GCG: variants seen among roughly 807,000 people sequenced by gnomAD.
GCG encodes the protein glucagon, also known as pro-glucagon.
GCG carries 11 observed loss-of-function variants against 22.8 expected under a neutral mutation model. The ratio of observed to expected loss-of-function variants is 0.48; its 90% CI spans 0.30 to 0.80. GCG has a LOEUF of 0.80. Among genes scored for constraint, GCG ranks in the 30% least tolerant of loss-of-function variants. The pLI is 0.06. For missense variants in GCG, 222 were observed against 222.0 expected, an observed-to-expected ratio of 1.00 and a Z score of 0.00; for synonymous variants, 89 against 72.4, an observed-to-expected ratio of 1.23 and a Z score of -1.16.
intron 1 of GCG, among the ~76,000 whole-genome samples, chr2:162,151,945 T>C (rs1237325829): frequency 6.6e-6 from 1 of 152,212 alleles, no homozygotes; most frequent in African/African-American, 2.4e-5. Context: ...TATTTTTGCA[T>C]ATAATTATTT....
chr2:162,145,777 A>C, intron 3 of GCG, 100 bp from the exon 4 acceptor site: 1 of 868,018 alleles, frequency 1.2e-6, no homozygotes. Context: ...TCTATGTAGA[A>C]GGGGCTTAGG....
chr2:162,146,069 T>C (rs977645378), intron 3 of GCG, among the ~76,000 whole-genome samples: 3 of 152,198 alleles, frequency 2.0e-5, no homozygotes, highest in Admixed American at 6.5e-5. Flanking sequence ...AGTTAGTTAA[T>C]TGATTTGAGG....
Position 162,145,649 on chromosome 2 carries a change from A to G in GCG, c.283T>C (p.Phe95Leu), listed in dbSNP as rs756602276. The G allele has an allele frequency of 2.5e-6, 4 of 1,611,084 alleles. No homozygotes were observed. The highest frequency in any genetic ancestry group is 1.3e-5 in the African/African-American group (1 of 74,906). Reference protein sequence around the residue: ...RNNIAKRHDEFERHAEGTFTS... With the variant: ...RNNIAKRHDELERHAEGTFTS... ...AAGGTCCCTTCAGCATGTCTCTCAA[A>G]TTCATCGTGACGTTTGGCAATGTTA... The change falls in exon 4 of 6, where the codon TTT becomes CTT. Residue 95 changes from phenylalanine (F) to leucine (L), a missense_variant. Physicochemically the swap from Phe to Leu is conservative, Grantham distance 22. Coordinates refer to ENST00000418842, the MANE Select transcript of GCG (RefSeq NM_002054.5).
intron 3 of GCG, among the ~76,000 whole-genome samples, chr2:162,146,328 T>C (rs1221732600): frequency 6.6e-6 from 1 of 152,136 alleles, no homozygotes; most frequent in Non-Finnish European, 1.5e-5. Context: ...TACATCCATT[T>C]ACCAAGTTGT....
At chr2:162,147,264 C>A (rs771481972) in intron 3 of GCG, 89 bp downstream of exon 3, 7 of 950,950 alleles carry the variant, frequency 7.4e-6, no homozygotes, top group Non-Finnish European at 9.9e-6. Flanking sequence ...CACTATTTGA[C>A]GAGCATAAGA....
rs953909379 is a variant in GCG at position 162,144,377 on chromosome 2, C to G, written c.393-207G>C. On this transcript the variant is annotated intron_variant, in intron 4 of 5. Transcript: ENST00000418842. Reference sequence around the variant, plus strand: ...AAAGTAGCAGAGCTGGGATCTAATACCAAGCCTGCATAATTTCATGCCCTT... The same window carrying G: ...AAAGTAGCAGAGCTGGGATCTAATAGCAAGCCTGCATAATTTCATGCCCTT... 1.3e-5 allele frequency: 7 copies of G among 540,592 alleles called. No individual in the cohort carries two copies. The East Asian group carries it at 2.1e-4, about 16-fold the overall frequency. The allele number at this position is 540,592 out of a possible 1,614,324, so 33.5% of individuals were successfully genotyped here. A position where few individuals can be genotyped will look rare whatever the true frequency, so the allele number is the denominator to read the frequency against.
chr2:162,143,541 T>G (rs1414274239), intron 5 of GCG, among the ~76,000 whole-genome samples, 171 bp from the exon 6 acceptor site: 1 of 152,178 alleles, frequency 6.6e-6, no homozygotes, highest in Non-Finnish European at 1.5e-5. Context: ...TAAAGATTAT[T>G]TATCCTAAAG....
At position 162,143,467 on chromosome 2, in the gene GCG, G is replaced by A. The variant is rs1039368564; in HGVS notation, c.537-97C>T. ...ATTTCAATGATTTATTTTGATAAAA[G>A]TTGTTTATTAATCCCTTTGTCCATA... On this transcript the variant is annotated intron_variant, in intron 5 of 5. Coordinates refer to ENST00000418842, the MANE Select transcript of GCG (RefSeq NM_002054.5). 2.2e-5 allele frequency: 12 copies of A among 539,550 alleles called. No individual in the cohort carries two copies. The South Asian group carries it at 4.4e-4, about 20-fold the overall frequency. The allele number at this position is 539,550 out of a possible 1,614,324, so 33.4% of individuals were successfully genotyped here. A position where few individuals can be genotyped will look rare whatever the true frequency, so the allele number is the denominator to read the frequency against.
In GCG at chr2:162,145,632, T is replaced by C. The variant is rs1482559244; in HGVS notation, c.300A>G (p.Glu100=). The change falls in exon 4 of 6, where the codon GAA becomes GAG. Residue 100 remains glutamate (E), a synonymous_variant. Coordinates refer to ENST00000418842, the MANE Select transcript of GCG (RefSeq NM_002054.5). The part of the protein sequence containing the change: ...KRHDEFERHA[E]GTFTSDVSSY... Reference sequence around the variant, plus strand: ...AACTTACATCACTGGTAAAGGTCCCTTCAGCATGTCTCTCAAATTCATCGT... The same window carrying C: ...AACTTACATCACTGGTAAAGGTCCCCTCAGCATGTCTCTCAAATTCATCGT... The C allele has an allele frequency of 1.2e-6, 2 of 1,610,808 alleles. No homozygotes were observed. The highest frequency in any genetic ancestry group is 2.2e-5 in the South Asian group (2 of 90,424).
chr2:162,144,150 A>G lies in GCG; in HGVS notation c.413T>C (p.Ile138Thr). 6.2e-7 allele frequency: 1 copy of G among 1,611,680 alleles called. No homozygotes were observed. Among genetic ancestry groups the G allele is most frequent in the African/African-American group, 1.3e-5 (1 of 75,010 alleles). ...GRRDFPEEVA[I>T]VEELGRRHAD... ...ATGTCTGCGGCCAAGTTCTTCAACA[A>G]TGGCGACCTCTTCTGGGAAACTAAG... Residue 138 changes from isoleucine (I) to threonine (T), a missense_variant, in exon 5 of 6, where the codon ATT (isoleucine) becomes ACT (threonine). Ile to Thr is a moderately conservative substitution (Grantham distance 89). Transcript: ENST00000418842.
rs1306758642 is a variant in GCG, at chr2:162,147,353, C to T, written c.254G>A (p.Arg85Lys). Residue 85 changes from arginine to lysine, a missense_variant and splice_region_variant, in exon 3 of 6, where the codon AGG becomes AAG. Physicochemically the swap from Arg to Lys is conservative, Grantham distance 26. Coordinates refer to ENST00000418842, the MANE Select transcript of GCG (RefSeq NM_002054.5). Reference sequence around the variant, plus strand: ...TTTTGAGCCAGGCTTAGACTCTTACCTGTTCCTCTTGGTATTCATCAACCA... The same window carrying T: ...TTTTGAGCCAGGCTTAGACTCTTACTTGTTCCTCTTGGTATTCATCAACCA... ...VQWLMNTKRNRNNIAKRHDEF... is the reference protein window; with the variant it reads ...VQWLMNTKRNKNNIAKRHDEF... The T allele has an allele frequency of 1.2e-6, 2 of 1,611,418 alleles. No individual in the cohort carries two copies. Among genetic ancestry groups the T allele is most frequent in the Middle Eastern group, 1.7e-4 (1 of 6,048 alleles).
intron 1 of GCG, among the ~76,000 whole-genome samples, chr2:162,150,761 GA>G (rs896205616): frequency 2.6e-5 from 4 of 150,978 alleles, no homozygotes; most frequent in Admixed American, 6.6e-5. Context: ...TCACAAGACT[GA>G]AAAAAAAATT....
chr2:162,146,546 C>T (rs1261208929), intron 3 of GCG, among the ~76,000 whole-genome samples: 1 of 116,760 alleles, frequency 8.6e-6, no homozygotes, highest in Non-Finnish European at 1.6e-5. Flanking sequence ...TGTTCTCTCT[C>T]TCTCTCTCTC....
rs762834023 is a variant in GCG at position 162,149,205 on chromosome 2, G to C, written c.-9-18C>G. ...TCTGCTGTCTGTCAGAACACAGAATGGGGGTAGGGTGAGGGGGGCAGGCAA... is the reference window on the plus strand; with the variant it reads ...TCTGCTGTCTGTCAGAACACAGAATCGGGGTAGGGTGAGGGGGGCAGGCAA... On this transcript the variant is annotated intron_variant, in intron 1 of 5. Coordinates refer to ENST00000418842, the MANE Select transcript of GCG (RefSeq NM_002054.5). 1 of 1,472,446 alleles carries C rather than the reference G, an allele frequency of 6.8e-7. No homozygotes were observed. The allele number at this position is 1,472,446 out of a possible 1,614,324, so 91.2% of individuals were successfully genotyped here.
In GCG at chr2:162,152,230, C is replaced by G. The variant is rs1018367095; in HGVS notation, c.-82G>C. On this transcript the variant is annotated 5_prime_UTR_variant, in exon 1 of 6. Transcript: ENST00000418842. ...CCTCTTTGGGAACTTTTGATGTGCT[C>G]TGTGTCCTAAGCTCTGTACTTCTGC... 4 of 152,618 alleles carry G rather than the reference C, an allele frequency of 2.6e-5. No individual in the cohort carries two copies. Among genetic ancestry groups the G allele is most frequent in the African/African-American group, 4.8e-5 (2 of 41,442 alleles). 9.5% of individuals were successfully genotyped at this position (152,618 alleles called of 1,614,324 possible). A position where few individuals can be genotyped will look rare whatever the true frequency, so the allele number is the denominator to read the frequency against.
chr2:162,150,187 A>G (rs1467248871), intron 1 of GCG, among the ~76,000 whole-genome samples: 1 of 152,176 alleles, frequency 6.6e-6, no homozygotes, highest in African/African-American at 2.4e-5. Context: ...GGGAACGTCA[A>G]GTCCGTCTTT....
intron 5 of GCG, 116 bp from the exon 6 acceptor site, chr2:162,143,486 G>T (rs1686603459): frequency 6.1e-6 from 3 of 491,088 alleles, no homozygotes; most frequent in African/African-American, 2.0e-5. Flanking sequence ...TAATCCCTTT[G>T]TCCATAAATC....
At chr2:162,146,822 C>A (rs933984439) in intron 3 of GCG, among the ~76,000 whole-genome samples, 1 of 152,062 alleles carries the variant, frequency 6.6e-6, no homozygotes, top group Non-Finnish European at 1.5e-5. Flanking sequence ...GTATGCCTTA[C>A]GATAGGCTTG....
chr2:162,143,957 C>T (rs751546944), intron 5 of GCG, 70 bp downstream of exon 5: 3 of 1,334,954 alleles, frequency 2.2e-6, no homozygotes, highest in Non-Finnish European at 3.2e-6. Flanking sequence ...TGGGGAACAG[C>T]TTGCAGCAGT....
Sources: gnomAD v4.1 joint callset for allele counts (sites outside exome capture counted in the v4.1 genomes callset) on GRCh38, gnomAD v4.1.1 for gene constraint, MANE v1.5 for transcripts, NCBI Gene and HGNC (gene_info 2026-07-23, HGNC 2026-07-21) for gene names.